OLFM2: variants seen among roughly 807,000 people sequenced by gnomAD.
OLFM2 encodes noelin-2.
In OLFM2, 20 loss-of-function variants were observed where a neutral mutation model predicts 43.9. That is an observed-to-expected ratio of 0.46 (90% confidence interval 0.32 to 0.66). OLFM2 has a LOEUF of 0.66. Ranked by LOEUF, OLFM2 falls within the 30% of genes least tolerant of loss-of-function variation. The probability of loss-of-function intolerance (pLI) is 0.04; values close to 1 mark genes in which losing one functional copy is unlikely to be tolerated. For missense variants in OLFM2, 416 were observed against 643.6 expected (o/e 0.65, Z 3.83); for synonymous variants, 268 against 278.6 (o/e 0.96, Z 0.38).
chr19:9,888,302 C>T (rs2145462158), intron 1 of OLFM2, among the ~76,000 whole-genome samples: 1 of 152,038 alleles, frequency 6.6e-6, no homozygotes, highest in Non-Finnish European at 1.5e-5. Flanking sequence ...GTGGGTGGAT[C>T]ATTTGAGGTC....
chr19:9,928,783 C>T (rs934729800), intron 1 of OLFM2, among the ~76,000 whole-genome samples: 3 of 149,844 alleles, frequency 2.0e-5, no homozygotes, highest in Admixed American at 6.7e-5. Context: ...CCAGACTGGG[C>T]GACAGAGTGA....
At position 9,856,797 on chromosome 19, in the gene OLFM2, A is replaced by G; in HGVS notation, c.687+10T>C. ...AGGCCCTGACCCCAGGGGTGGGCGC[A>G]GTCACTCACCCGGCTATCCGCACTG... is the stretch of plus-strand genomic sequence containing the variant. On this transcript the variant is annotated intron_variant, in intron 5 of 5. Transcript: ENST00000264833. This position sits in a 1 kb window ranked among gnomAD's most constrained non-coding sequence, Gnocchi z 4.0. 6.2e-7 allele frequency: 1 copy of G among 1,609,098 alleles called. No homozygotes were observed. The highest frequency in any genetic ancestry group is 1.1e-5 in the South Asian group (1 of 90,612).
intron 1 of OLFM2, among the ~76,000 whole-genome samples, chr19:9,930,856 T>TATC (rs374973288): frequency 0.024 from 3,700 of 151,692 alleles, 147 homozygotes; most frequent in African/African-American, 0.084. Flanking sequence ...CTGTTTCAAA[T>TATC]ATCATCATCA....
Position 9,854,720 on chromosome 19 carries a change from G to C in OLFM2, c.831C>G (p.Ser277=), listed in dbSNP as rs771173518. 1.3e-5 allele frequency: 21 copies of C among 1,614,176 alleles called. No homozygotes were observed. Among genetic ancestry groups the C allele is most frequent in the Non-Finnish European group, 1.8e-5 (21 of 1,180,028 alleles). Residue 277 remains serine, a synonymous_variant, in exon 6 of 6, where the codon TCC becomes TCG. Transcript: ENST00000264833. The surrounding 1 kb of genome is among the most constrained non-coding windows in gnomAD (Gnocchi z 9.5). ...TGCTCTGGTACTTGTTATAGAACAGGGAGCCGTTGTACACCACGTGGCCCG... is the reference window on the plus strand; with the variant it reads ...TGCTCTGGTACTTGTTATAGAACAGCGAGCCGTTGTACACCACGTGGCCCG... ...AGTGHVVYNG[S]LFYNKYQSNV...
intron 1 of OLFM2, among the ~76,000 whole-genome samples, chr19:9,885,698 C>A (rs529691358): frequency 6.6e-6 from 1 of 152,176 alleles, no homozygotes. Flanking sequence ...AGTGTCCCCC[C>A]ACCCTTGTGG....
intron 1 of OLFM2, among the ~76,000 whole-genome samples, chr19:9,887,999 CAAAGT>C (rs1012833774): frequency 2.6e-5 from 4 of 151,834 alleles, no homozygotes; most frequent in African/African-American, 9.7e-5. Flanking sequence ...CTCCTTGTCT[CAAAGT>C]AGAGTTCTCC....
intron 1 of OLFM2, among the ~76,000 whole-genome samples, chr19:9,885,359 G>C (rs983535366): frequency 6.6e-6 from 1 of 152,198 alleles, no homozygotes; most frequent in Non-Finnish European, 1.5e-5. Flanking sequence ...CAAGAGAGCT[G>C]AGAACATGGT....
chr19:9,900,141 C>T (rs1260418161), intron 1 of OLFM2, among the ~76,000 whole-genome samples: 1 of 152,084 alleles, frequency 6.6e-6, no homozygotes, highest in Non-Finnish European at 1.5e-5. Context: ...TTCCCTGGGC[C>T]GGTTAGGAGG....
In OLFM2 at chr19:9,886,275, G is replaced by T. The variant is rs190584293; in HGVS notation, c.64-25481C>A. Among the ~76,000 whole-genome samples, 757 of 152,120 alleles carry T rather than the reference G, an allele frequency of 5.0e-3. 4 individuals are homozygous for T. Among genetic ancestry groups the T allele is most frequent in the South Asian group, 0.023 (111 of 4,798 alleles). ...GGCTGGAGTACAATGGAGTGATCTTGGCTCACTGCAACCTCTGCCTTCCAG... is the reference window on the plus strand; with the variant it reads ...GGCTGGAGTACAATGGAGTGATCTTTGCTCACTGCAACCTCTGCCTTCCAG... On this transcript the variant is annotated intron_variant, in intron 1 of 5. Coordinates refer to ENST00000264833, the MANE Select transcript of OLFM2 (RefSeq NM_058164.4).
intron 1 of OLFM2, among the ~76,000 whole-genome samples, chr19:9,930,598 A>C (rs1429616340): frequency 6.6e-6 from 1 of 151,774 alleles, no homozygotes; most frequent in African/African-American, 2.4e-5. Flanking sequence ...TAATCCCAGC[A>C]CTTTGGGAGG....
At chr19:9,913,507 G>C in intron 1 of OLFM2, 3 of 1,157,012 alleles carry the variant, frequency 2.6e-6, no homozygotes, top group Non-Finnish European at 3.2e-6. Flanking sequence ...CGCCCGCACG[G>C]GACACGGTGC....
At chr19:9,931,297 T>G (rs933668590) in intron 1 of OLFM2, among the ~76,000 whole-genome samples, 4 of 152,168 alleles carry the variant, frequency 2.6e-5, no homozygotes, top group African/African-American at 9.7e-5. Context: ...TCGCCCAAGC[T>G]GGAGTGCAGT....
At chr19:9,912,580 A>G (rs762828061) in intron 1 of OLFM2, among the ~76,000 whole-genome samples, 7 of 152,108 alleles carry the variant, frequency 4.6e-5, no homozygotes, top group Non-Finnish European at 5.9e-5. Flanking sequence ...GGAAGTTTGC[A>G]GTGAAGGAAA....
At chr19:9,914,706 A>C (rs2046861132) in intron 1 of OLFM2, among the ~76,000 whole-genome samples, 1 of 151,756 alleles carries the variant, frequency 6.6e-6, no homozygotes, top group Admixed American at 6.5e-5. Context: ...CGGGAAGCGC[A>C]GTGCCCTCGC....
chr19:9,915,816 C>T (rs1034522501), intron 1 of OLFM2, among the ~76,000 whole-genome samples: 4 of 152,128 alleles, frequency 2.6e-5, no homozygotes, highest in South Asian at 2.1e-4. Context: ...CCGCGCCTGG[C>T]GAGAAAGGGA....
chr19:9,921,499 T>C (rs1037494355), intron 1 of OLFM2, among the ~76,000 whole-genome samples: 14 of 151,874 alleles, frequency 9.2e-5, no homozygotes, highest in Non-Finnish European at 1.5e-4. Flanking sequence ...AAATTTTTTT[T>C]TTTTTTTGAG....
intron 1 of OLFM2, among the ~76,000 whole-genome samples, chr19:9,896,493 C>A (rs1034613860): frequency 9.9e-5 from 15 of 152,178 alleles, no homozygotes; most frequent in Admixed American, 2.6e-4. Context: ...GAACTCCTGG[C>A]TCAAGCCATC....
chr19:9,869,120 C>A (rs893079532), intron 1 of OLFM2, among the ~76,000 whole-genome samples: 1 of 151,994 alleles, frequency 6.6e-6, no homozygotes, highest in African/African-American at 2.4e-5. Context: ...GCTCCAAGCT[C>A]CTTAGCAGCC....
chr19:9,910,891 A>G (rs1482213118), intron 1 of OLFM2, among the ~76,000 whole-genome samples: 1 of 152,084 alleles, frequency 6.6e-6, no homozygotes, highest in Non-Finnish European at 1.5e-5. Context: ...ATGGAGAGAA[A>G]ATGGATGGGT....
Sources: allele counts gnomAD v4.1 joint callset (sites outside exome capture counted in the v4.1 genomes callset), GRCh38; gene constraint gnomAD v4.1.1; non-coding constraint Gnocchi (gnomAD v3.1); transcripts MANE v1.5; gene names NCBI Gene and HGNC (gene_info 2026-07-23, HGNC 2026-07-21).